BCL7C: variants seen among roughly 807,000 people sequenced by gnomAD.
BCL7C encodes BAF chromatin remodeling complex subunit BCL7C.
In BCL7C, 8 loss-of-function variants were observed where a neutral mutation model predicts 26.2. That is an observed-to-expected ratio of 0.30 (90% CI 0.18 to 0.55). BCL7C has a LOEUF of 0.55. BCL7C is among the 20% of genes least tolerant of loss of function. The probability of loss-of-function intolerance (pLI) is 0.93; values close to 1 mark genes in which losing one functional copy is unlikely to be tolerated. For missense variants in BCL7C, 262 were observed against 298.5 expected, an observed-to-expected ratio of 0.88 and a Z score of 0.90; for synonymous variants, 90 against 116.5, an observed-to-expected ratio of 0.77 and a Z score of 1.47.
chr16:30,837,931 G>T (rs1041881320), intron 5 of BCL7C, among the ~76,000 whole-genome samples: 2 of 152,138 alleles, frequency 1.3e-5, no homozygotes, highest in African/African-American at 2.4e-5. Context: ...CTCCTCTATG[G>T]ACTTCTCTCC....
intron 4 of BCL7C, among the ~76,000 whole-genome samples, chr16:30,890,587 C>T (rs1329142852): frequency 6.6e-6 from 1 of 151,768 alleles, no homozygotes; most frequent in Non-Finnish European, 1.5e-5. Flanking sequence ...CGGTGGCTCA[C>T]ACCTGTAATC....
At chr16:30,840,428 G>A (rs62058570) in intron 5 of BCL7C, among the ~76,000 whole-genome samples, 93 of 152,008 alleles carry the variant, frequency 6.1e-4, no homozygotes, top group South Asian at 1.9e-3. Context: ...ATGTTGGCCC[G>A]ACTGGTCTCA....
At chr16:30,862,239 T>C (rs112917309) in intron 5 of BCL7C, among the ~76,000 whole-genome samples, 114 of 149,504 alleles carry the variant, frequency 7.6e-4, no homozygotes, top group East Asian at 1.6e-3. Context: ...CCTGACTATT[T>C]CTGGGCTACA....
intron 5 of BCL7C, among the ~76,000 whole-genome samples, chr16:30,847,582 G>A (rs1378702822): frequency 6.6e-6 from 1 of 152,056 alleles, no homozygotes. Flanking sequence ...GATCACCTAA[G>A]GTCAGGAGTT....
In BCL7C at chr16:30,848,130, A is replaced by G. The variant is rs560807168; in HGVS notation, c.529-12982T>C. On this transcript the variant is annotated intron_variant, in intron 5 of 5. Coordinates refer to the BCL7C transcript ENST00000380317. ...AATTTGGACTTCATGGTGGCCTACCACTATTAAGTGGTTAGTGAAATGAGA... is the reference window on the plus strand; with the variant it reads ...AATTTGGACTTCATGGTGGCCTACCGCTATTAAGTGGTTAGTGAAATGAGA... Among the ~76,000 whole-genome samples, 124 of 152,276 alleles carry G rather than the reference A, an allele frequency of 8.1e-4. 1 individual carries two copies. Among genetic ancestry groups the G allele is most frequent in the African/African-American group, 2.9e-3 (121 of 41,556 alleles).
intron 5 of BCL7C, among the ~76,000 whole-genome samples, chr16:30,837,138 G>T (rs2054574711): frequency 6.6e-6 from 1 of 151,924 alleles, no homozygotes; most frequent in African/African-American, 2.4e-5. Flanking sequence ...TCGTCACTGA[G>T]TGAAACTTTG....
intron 5 of BCL7C, among the ~76,000 whole-genome samples, chr16:30,859,806 C>G (rs1036518649): frequency 1.3e-5 from 2 of 152,202 alleles, no homozygotes; most frequent in African/African-American, 4.8e-5. Context: ...CAACCTGCAC[C>G]CAGGTGAAAT....
At chr16:30,869,527 A>T (rs1412767217) in intron 5 of BCL7C, among the ~76,000 whole-genome samples, 4 of 135,780 alleles carry the variant, frequency 2.9e-5, no homozygotes, top group Non-Finnish European at 4.8e-5. Context: ...TTTTTTTTTT[A>T]AAGAGACGGG....
intron 5 of BCL7C, among the ~76,000 whole-genome samples, chr16:30,873,782 C>T (rs139489384): frequency 0.014 from 2,100 of 145,978 alleles, 74 homozygotes; most frequent in African/African-American, 0.05. Flanking sequence ...ACCTGGGAGG[C>T]GGAGGTTGCA....
intron 4 of BCL7C, among the ~76,000 whole-genome samples, chr16:30,890,257 G>A (rs59534667): frequency 0.018 from 2,739 of 151,984 alleles, 76 homozygotes; most frequent in African/African-American, 0.062. Context: ...AGCCGGGTGT[G>A]GTGTTGTGCA....
chr16:30,887,805 G>A lies in BCL7C; in HGVS notation c.*60C>T, dbSNP rs1437583504. On this transcript the variant is annotated 3_prime_UTR_variant, in exon 6 of 6. Transcript: ENST00000215115. ...TGACATGACACAAAATTACAAAAGG[G>A]TCTTTATTTGTAAAAAGCCAAAGGG... The A allele has an allele frequency of 6.5e-7, 1 of 1,528,490 alleles. No homozygotes were observed. Among genetic ancestry groups the A allele is most frequent in the East Asian group, 2.5e-5 (1 of 40,444 alleles). 94.7% of individuals were successfully genotyped at this position (1,528,490 alleles called of 1,614,324 possible).
In BCL7C at chr16:30,851,644, C is replaced by T. The variant is rs113399931; in HGVS notation, c.529-16496G>A. ...ACAGCAGGCCTTGCAGTTTTTGGTG[C>T]ATCTCATCGATTTGCTGAGCATACT... On this transcript the variant is annotated intron_variant, in intron 5 of 5. Transcript: ENST00000380317. 1.4e-3 allele frequency: 825 copies of T among 590,388 alleles called. 13 individuals carry two copies. The highest frequency in any genetic ancestry group is 0.013 in the African/African-American group (720 of 53,986). 36.6% of individuals were successfully genotyped at this position (590,388 alleles called of 1,614,324 possible).
chr16:30,875,075 G>A (rs2054925810), intron 5 of BCL7C: 1 of 152,804 alleles, frequency 6.5e-6, no homozygotes, highest in African/African-American at 2.4e-5. Flanking sequence ...GCATACAGTG[G>A]GTTCCATGGC....
At chr16:30,874,015 A>C (rs1326618308) in intron 5 of BCL7C, among the ~76,000 whole-genome samples, 2 of 124,440 alleles carry the variant, frequency 1.6e-5, no homozygotes, top group Non-Finnish European at 3.3e-5. Context: ...TTTTTTTTTG[A>C]GACAGATTCT....
chr16:30,851,378 T>C, intron 5 of BCL7C: 1 of 187,580 alleles, frequency 5.3e-6, no homozygotes. Flanking sequence ...GTAGCTGGGA[T>C]TACAGGCGCC....
chr16:30,835,743 G>A (rs2054565384), intron 5 of BCL7C, among the ~76,000 whole-genome samples: 1 of 151,388 alleles, frequency 6.6e-6, no homozygotes, highest in African/African-American at 2.4e-5. Context: ...CTACTCGGGA[G>A]GCTGATACAG....
chr16:30,847,310 A>G (rs1489902794), intron 5 of BCL7C, among the ~76,000 whole-genome samples: 2 of 152,234 alleles, frequency 1.3e-5, no homozygotes, highest in African/African-American at 2.4e-5. Flanking sequence ...AGCCAACAAT[A>G]TTGAACTCCT....
chr16:30,847,018 T>G (rs2054641018), intron 5 of BCL7C, among the ~76,000 whole-genome samples: 1 of 152,216 alleles, frequency 6.6e-6, no homozygotes, highest in African/African-American at 2.4e-5. Flanking sequence ...GTCGAGTTAT[T>G]ACAAAGAGAA....
At chr16:30,892,443 T>C (rs1596628851) in intron 4 of BCL7C, 143 bp downstream of exon 4, 3 of 683,454 alleles carry the variant, frequency 4.4e-6, no homozygotes, top group South Asian at 2.0e-5. Flanking sequence ...AGACTGTAGC[T>C]ACAGGGAGAT....
Sources: gnomAD v4.1 joint callset for allele counts (sites outside exome capture counted in the v4.1 genomes callset) on GRCh38, gnomAD v4.1.1 for gene constraint, MANE v1.5 for transcripts, NCBI Gene and HGNC (gene_info 2026-07-23, HGNC 2026-07-21) for gene names.